TMC1: variants seen among roughly 807,000 people sequenced by gnomAD.
TMC1 encodes transmembrane channel-like protein 1.
TMC1 carries 84 observed loss-of-function variants against 105.8 expected under a neutral mutation model. The observed-to-expected ratio is 0.79, with a 90% CI of 0.67 to 0.95. TMC1 has a LOEUF of 0.95. Among genes scored for constraint, TMC1 ranks in the 40% least tolerant of loss-of-function variants. The pLI is 0.00. For synonymous variants in TMC1, 315 were observed against 311.5 expected (o/e 1.01, Z -0.12); for missense variants, 817 against 914.1 (o/e 0.89, Z 1.37).
chr9:72,759,529 G>C (rs1827722607), intron 12 of TMC1, among the ~76,000 whole-genome samples: 1 of 152,118 alleles, frequency 6.6e-6, no homozygotes, highest in Non-Finnish European at 1.5e-5. Flanking sequence ...GAGAGACTGA[G>C]TTTTAGTAGG....
At chr9:72,792,972 C>G (rs1588085990) in intron 17 of TMC1, among the ~76,000 whole-genome samples, 1 of 152,076 alleles carries the variant, frequency 6.6e-6, no homozygotes, top group Non-Finnish European at 1.5e-5. Context: ...TCCTTCTATG[C>G]CCAGGGAAGT....
chr9:72,705,166 G>A (rs1213723877), intron 8 of TMC1, among the ~76,000 whole-genome samples: 8 of 152,028 alleles, frequency 5.3e-5, no homozygotes, highest in Non-Finnish European at 8.8e-5. Context: ...GCCACCACAA[G>A]TGAAATAAAA....
At position 72,792,204 on chromosome 9, in the gene TMC1, A is replaced by C. The variant is rs1043264053; in HGVS notation, c.1418A>C (p.Lys473Thr). The part of the protein sequence containing the change: ...DEINNKIEEE[K>T]LVKANITLWE... ...TTTGCTTTCTAGATTGAAGAGGAGA[A>C]GCTAGTAAAGGCCAATATTACCCTT... Residue 473 changes from lysine (K) to threonine (T), a missense_variant, in exon 17 of 24, where the codon AAG (lysine) becomes ACG (threonine). Coordinates refer to ENST00000297784, the MANE Select transcript of TMC1 (RefSeq NM_138691.3). 1 of 1,614,064 alleles carries C rather than the reference A, an allele frequency of 6.2e-7. No homozygotes were observed. Among genetic ancestry groups the C allele is most frequent in the African/African-American group, 1.3e-5 (1 of 74,930 alleles).
chr9:72,564,129 G>T (rs938471086), intron 1 of TMC1, among the ~76,000 whole-genome samples: 6 of 152,024 alleles, frequency 3.9e-5, no homozygotes, highest in African/African-American at 1.4e-4. Context: ...TTGCCATCTA[G>T]ACAAATTATA....
intron 2 of TMC1, among the ~76,000 whole-genome samples, chr9:72,584,614 T>G (rs1014556267): frequency 6.6e-6 from 1 of 151,848 alleles, no homozygotes; most frequent in Non-Finnish European, 1.5e-5. Flanking sequence ...CTACCAACCA[T>G]AAGTAATAAA....
At chr9:72,807,563 A>G (rs1040784254) in intron 18 of TMC1, among the ~76,000 whole-genome samples, 3 of 152,216 alleles carry the variant, frequency 2.0e-5, no homozygotes, top group Non-Finnish European at 2.9e-5. Context: ...CCTTCTCCCT[A>G]TAAGTTTACT....
At chr9:72,623,304 C>A (rs1474586725) in intron 3 of TMC1, among the ~76,000 whole-genome samples, 2 of 151,916 alleles carry the variant, frequency 1.3e-5, no homozygotes, top group Admixed American at 6.6e-5. Flanking sequence ...GTCGGTTTTC[C>A]TGGGGTTTAG....
chr9:72,805,277 A>T, intron 17 of TMC1, 105 bp from the exon 18 acceptor site: 1 of 1,174,514 alleles, frequency 8.5e-7, no homozygotes, highest in Non-Finnish European at 1.2e-6. Context: ...CATTAATTGC[A>T]GTCTTCAAGC....
chr9:72,525,486 G>A (rs1823390615), intron 1 of TMC1, among the ~76,000 whole-genome samples: 1 of 152,210 alleles, frequency 6.6e-6, no homozygotes, highest in Non-Finnish European at 1.5e-5. Flanking sequence ...TTTAACAACA[G>A]TGTGAATAAG....
chr9:72,556,140 G>A (rs1823937123), intron 1 of TMC1, among the ~76,000 whole-genome samples: 1 of 150,164 alleles, frequency 6.7e-6, no homozygotes, highest in African/African-American at 2.4e-5. Context: ...TTTTGAGACG[G>A]AGTTTCGCTT....
chr9:72,657,535 G>A (rs1323384655), intron 5 of TMC1, among the ~76,000 whole-genome samples: 2 of 152,136 alleles, frequency 1.3e-5, no homozygotes, highest in Non-Finnish European at 2.9e-5. Context: ...ACAGGTAAAT[G>A]AGAATATCTT....
chr9:72,558,219 T>C (rs1442842269), intron 1 of TMC1, among the ~76,000 whole-genome samples: 1 of 152,152 alleles, frequency 6.6e-6, no homozygotes, highest in Non-Finnish European at 1.5e-5. Context: ...TGGGAAAATC[T>C]ATTAAAAATT....
chr9:72,770,772 G>T (rs1827912996), intron 12 of TMC1, among the ~76,000 whole-genome samples: 1 of 152,080 alleles, frequency 6.6e-6, no homozygotes, highest in Admixed American at 6.6e-5. Context: ...AGAACCAGGG[G>T]AGCCAATGGT....
chr9:72,737,543 A>G (rs559783627), intron 8 of TMC1, among the ~76,000 whole-genome samples: 10 of 152,264 alleles, frequency 6.6e-5, no homozygotes, highest in African/African-American at 2.4e-4. Flanking sequence ...CCTCTGAAAA[A>G]TCAGACACTC....
intron 2 of TMC1, among the ~76,000 whole-genome samples, chr9:72,598,866 T>C (rs1480226116): frequency 1.3e-5 from 2 of 150,682 alleles, no homozygotes; most frequent in African/African-American, 2.4e-5. Context: ...ACCGTCTGTT[T>C]CCTCATCTAC....
intron 10 of TMC1, among the ~76,000 whole-genome samples, chr9:72,747,455 TAAAC>T (rs1405976391): frequency 2.6e-5 from 4 of 152,200 alleles, no homozygotes; most frequent in Admixed American, 2.6e-4. Flanking sequence ...GCCTTAATAA[TAAAC>T]AACCAGAAAG....
At chr9:72,522,237 G>C (rs1040529852) in intron 1 of TMC1, among the ~76,000 whole-genome samples, 3 of 151,094 alleles carry the variant, frequency 2.0e-5, no homozygotes, top group African/African-American at 4.9e-5. Flanking sequence ...AAGTAGCTGG[G>C]ACTACAGGCG....
intron 5 of TMC1, among the ~76,000 whole-genome samples, chr9:72,682,728 T>C (rs1826307749): frequency 6.6e-6 from 1 of 152,186 alleles, no homozygotes. Flanking sequence ...AAATTCAGAG[T>C]GTTGGGCTGT....
At chr9:72,632,603 T>C (rs1263981277) in intron 4 of TMC1, among the ~76,000 whole-genome samples, 1 of 151,680 alleles carries the variant, frequency 6.6e-6, no homozygotes, top group Non-Finnish European at 1.5e-5. Context: ...CCCACAAAGA[T>C]AAAACAAACA....
Sources: gnomAD v4.1 joint callset for allele counts (sites outside exome capture counted in the v4.1 genomes callset) on GRCh38, gnomAD v4.1.1 for gene constraint, MANE v1.5 for transcripts, NCBI Gene and HGNC (gene_info 2026-07-23, HGNC 2026-07-21) for gene names.